The following WDFY4 variants were observed in gnomAD, a reference collection of about 807,000 sequenced individuals.
WDFY4 encodes the protein WD repeat- and FYVE domain-containing protein 4.
WDFY4 carries 169 observed loss-of-function variants against 351.9 expected under a neutral mutation model. That is an observed-to-expected ratio of 0.48 (90% CI 0.42 to 0.55). The LOEUF (loss-of-function observed/expected upper bound fraction) is 0.55, where lower values mean the gene tolerates loss of function less well. WDFY4 is among the 20% of genes least tolerant of loss of function. The pLI is 0.00. For synonymous variants in WDFY4, 1,622 were observed against 1,574.6 expected (o/e 1.03, Z -0.71); for missense variants, 3,803 against 3,935.6 (o/e 0.97, Z 0.90).
At chr10:48,829,953 T>C (rs1053028227) in intron 37 of WDFY4, among the ~76,000 whole-genome samples, 1 of 152,218 alleles carries the variant, frequency 6.6e-6, no homozygotes, top group African/African-American at 2.4e-5. Context: ...ATGGTTTTGA[T>C]TACAACACAG....
chr10:48,973,803 G>A (rs1842434568), intron 57 of WDFY4, among the ~76,000 whole-genome samples: 1 of 152,156 alleles, frequency 6.6e-6, no homozygotes, highest in Admixed American at 6.5e-5. Context: ...GCCAGATCTG[G>A]ACACACAGCC....
Position 48,820,153 on chromosome 10 carries a change from G to T in WDFY4, c.5506-81G>T, listed in dbSNP as rs114564058. On this transcript the variant is annotated intron_variant, in intron 32 of 61. Coordinates refer to ENST00000325239, the MANE Select transcript of WDFY4 (RefSeq NM_001394531.1). Reference sequence around the variant, plus strand: ...ATGTCACTGGGCATGACAATAATCCGCCCATGTACATGGCACAGGTTGGTG... The same window carrying T: ...ATGTCACTGGGCATGACAATAATCCTCCCATGTACATGGCACAGGTTGGTG... The T allele has an allele frequency of 1.6e-3, 2,264 of 1,441,816 alleles. 30 individuals carry two copies. The African/African-American group carries it at 0.028, about 18-fold the overall frequency. The allele number at this position is 1,441,816 out of a possible 1,614,324, so 89.3% of individuals were successfully genotyped here.
chr10:48,811,842 C>T (rs893680155), intron 30 of WDFY4, 134 bp downstream of exon 30: 2 of 911,182 alleles, frequency 2.2e-6, no homozygotes, highest in African/African-American at 3.3e-5. Context: ...GCCCACTTCC[C>T]TCCCTAGCAG....
intron 47 of WDFY4, among the ~76,000 whole-genome samples, chr10:48,909,016 G>T (rs34787985): frequency 0.15 from 20,755 of 139,394 alleles, 1,578 homozygotes; most frequent in Middle Eastern, 0.23. Flanking sequence ...GAATCATAGA[G>T]TATGTGACTT....
intron 8 of WDFY4, among the ~76,000 whole-genome samples, chr10:48,730,479 T>C (rs12784705): frequency 0.092 from 14,048 of 152,216 alleles, 746 homozygotes; most frequent in Middle Eastern, 0.17. Flanking sequence ...ACAAAGTGTC[T>C]CCTGGGGGAG....
In WDFY4 at chr10:48,848,744, G is replaced by A. The variant is rs372084333; in HGVS notation, c.6663+16035G>A. On this transcript the variant is annotated intron_variant, in intron 39 of 61. Coordinates refer to ENST00000325239, the MANE Select transcript of WDFY4 (RefSeq NM_001394531.1). ...GAAGCCCCTCACGGCGACACAGAAT[G>A]CTGCCCCTGCAGAGCTTACCTACTG... 1.2e-4 allele frequency among the ~76,000 whole-genome samples: 19 copies of A among 152,354 alleles called. No individual in the cohort carries two copies. The South Asian group carries it at 3.9e-3, about 32-fold the overall frequency.
chr10:48,786,318 T>C (rs964228780), intron 19 of WDFY4, among the ~76,000 whole-genome samples: 2 of 152,234 alleles, frequency 1.3e-5, no homozygotes, highest in East Asian at 1.9e-4. Flanking sequence ...TTATTGTTCA[T>C]ACATAAAACT....
At position 48,787,881 on chromosome 10, in the gene WDFY4, T is replaced by TCTTCTTCTTCTC. The variant is rs1282935413; in HGVS notation, c.3809-637_3809-626dup. 1.9e-4 allele frequency among the ~76,000 whole-genome samples: 18 copies of TCTTCTTCTTCTC among 92,972 alleles called. 2 individuals carry two copies. Among genetic ancestry groups the TCTTCTTCTTCTC allele is most frequent in the African/African-American group, 1.3e-3 (17 of 12,660 alleles). The allele number at this position is 92,972 out of a possible 152,430, so 61.0% of individuals were successfully genotyped here. A position where few individuals can be genotyped will look rare whatever the true frequency, so the allele number is the denominator to read the frequency against. On this transcript the variant is annotated intron_variant, in intron 20 of 61. Coordinates refer to ENST00000325239, the MANE Select transcript of WDFY4 (RefSeq NM_001394531.1). Reference sequence around the variant, plus strand: ...TCTTTCTTCTTCTTTCTTCTTTCTTTCTTCTTCTTCTCCTTCTTCTTCTTC... The same window carrying TCTTCTTCTTCTC: ...TCTTTCTTCTTCTTTCTTCTTTCTTTCTTCTTCTTCTCCTTCTTCTTCTCCTTCTTCTTCTTC...
At chr10:48,915,508 G>A (rs1838438709) in intron 47 of WDFY4, among the ~76,000 whole-genome samples, 2 of 152,074 alleles carry the variant, frequency 1.3e-5, no homozygotes, top group South Asian at 2.1e-4. Context: ...TGCAGGGATG[G>A]GCAGGGAGAG....
At chr10:48,727,448 C>T in intron 6 of WDFY4, 22 bp from the exon 7 acceptor site, 1 of 1,550,366 alleles carries the variant, frequency 6.5e-7, no homozygotes, top group Non-Finnish European at 8.7e-7. Context: ...CAGCAGGTCT[C>T]TCCTGTGCTT....
At chr10:48,912,068 C>T (rs1364816372) in intron 47 of WDFY4, among the ~76,000 whole-genome samples, 1 of 152,212 alleles carries the variant, frequency 6.6e-6, no homozygotes, top group Non-Finnish European at 1.5e-5. Context: ...AAAAAAGCCT[C>T]CCTCAAGGTA....
chr10:48,707,530 G>A (rs2063662782), intron 1 of WDFY4, among the ~76,000 whole-genome samples: 1 of 152,192 alleles, frequency 6.6e-6, no homozygotes, highest in African/African-American at 2.4e-5. Context: ...ATCTATCAGA[G>A]AAAGCCAACA....
intron 43 of WDFY4, among the ~76,000 whole-genome samples, chr10:48,886,739 T>G (rs765839557): frequency 9.2e-5 from 14 of 152,202 alleles, no homozygotes; most frequent in Non-Finnish European, 1.9e-4. Flanking sequence ...CCTTCTAACT[T>G]TCGCTCCAGC....
In WDFY4 at chr10:48,787,980, T is replaced by TCTC. The variant is rs1565199372; in HGVS notation, c.3809-548_3809-547insCCT. On this transcript the variant is annotated intron_variant, in intron 20 of 61. Transcript: ENST00000325239. ...TTCTTCTTCTTCTTCTTCTTCTTCT[T>TCTC]CTTCTCCTTCTCCTTCTCCTTCTCC... Among the ~76,000 whole-genome samples the TCTC allele has an allele frequency of 9.3e-4, 49 of 52,934 alleles. 3 individuals are homozygous for TCTC. Among genetic ancestry groups the TCTC allele is most frequent in the East Asian group, 8.3e-3 (18 of 2,174 alleles). 34.7% of individuals were successfully genotyped at this position (52,934 alleles called of 152,430 possible). A position where few individuals can be genotyped will look rare whatever the true frequency, so the allele number is the denominator to read the frequency against.
intron 47 of WDFY4, among the ~76,000 whole-genome samples, chr10:48,908,423 A>G (rs1028493126): frequency 7.2e-5 from 11 of 152,240 alleles, no homozygotes; most frequent in Non-Finnish European, 1.5e-4. Context: ...AGGAATCTGC[A>G]AGAATAAGAT....
chr10:48,692,049 G>C (rs11101429), intron 1 of WDFY4, among the ~76,000 whole-genome samples: 54,205 of 152,118 alleles, frequency 0.36, 9,897 homozygotes, highest in Middle Eastern at 0.43. Flanking sequence ...AGCCCAGGAT[G>C]GGGGGTGTGA....
chr10:48,857,258 A>G (rs774022058), intron 39 of WDFY4, among the ~76,000 whole-genome samples: 9 of 152,138 alleles, frequency 5.9e-5, no homozygotes, highest in Non-Finnish European at 1.2e-4. Context: ...CAAACTATTA[A>G]AAAAAGTGTA....
chr10:48,949,291 G>A (rs562348295), intron 51 of WDFY4, among the ~76,000 whole-genome samples: 22 of 152,284 alleles, frequency 1.4e-4, no homozygotes, highest in African/African-American at 4.6e-4. Flanking sequence ...CCTGGCCCGA[G>A]CCTTTGAACC....
Position 48,873,576 on chromosome 10 carries a change from AGGGG to A in WDFY4, c.6829_6832del (p.Gly2277LysfsTer20). 1 of 1,551,764 alleles carries A rather than the reference AGGGG, an allele frequency of 6.4e-7. No individual in the cohort carries two copies. The highest frequency in any genetic ancestry group is 8.7e-7 in the Non-Finnish European group (1 of 1,147,002). On this transcript the variant is annotated frameshift_variant, in exon 41 of 62. Coordinates refer to ENST00000325239, the MANE Select transcript of WDFY4 (RefSeq NM_001394531.1). LOFTEE classifies it high-confidence loss of function. ...TTTGGGGAGCTGGGCTTGTGGAGCC[AGGGG>A]GAAGAAACCAAGCCCTGTTCCCCAT...
Sources: gnomAD v4.1 joint callset for allele counts (sites outside exome capture counted in the v4.1 genomes callset) on GRCh38, gnomAD v4.1.1 for gene constraint, MANE v1.5 for transcripts, NCBI Gene and HGNC (gene_info 2026-07-23, HGNC 2026-07-21) for gene names.